Variants in AXIN1 observed in about 807,000 individuals in gnomAD.
AXIN1 encodes the protein axin 1, also known as axin-1.
Under a neutral mutation model 76.4 loss-of-function variants are expected in AXIN1, and 30 were observed. The observed-to-expected ratio is 0.39, with a 90% CI of 0.29 to 0.53. AXIN1 has a LOEUF of 0.53. AXIN1 is among the 20% of genes least tolerant of loss of function. The probability of loss-of-function intolerance (pLI) is 0.66; values close to 1 mark genes in which losing one functional copy is unlikely to be tolerated. For missense variants in AXIN1, 1,140 were observed against 1,198.8 expected (o/e 0.95, Z 0.72); for synonymous variants, 545 against 501.4 (o/e 1.09, Z -1.16).
intron 2 of AXIN1, among the ~76,000 whole-genome samples, chr16:320,778 C>T (rs1162426213): frequency 1.2e-4 from 14 of 115,584 alleles, no homozygotes; most frequent in South Asian, 8.2e-4. Context: ...CTCGCTCTTT[C>T]GCCCAGACTG....
At position 287,920 on chromosome 16, in the gene AXIN1, G is replaced by C. The variant is rs1320559848; in HGVS notation, c.*202C>G. 1.2e-6 allele frequency: 1 copy of C among 802,088 alleles called. No individual in the cohort carries two copies. The highest frequency in any genetic ancestry group is 2.0e-6 in the Non-Finnish European group (1 of 488,968). 49.7% of individuals were successfully genotyped at this position (802,088 alleles called of 1,614,324 possible). A position where few individuals can be genotyped will look rare whatever the true frequency, so the allele number is the denominator to read the frequency against. On this transcript the variant is annotated 3_prime_UTR_variant, in exon 11 of 11. Transcript: ENST00000262320. Reference sequence around the variant, plus strand: ...ATTGCTATGAGGAGTGGTCCAGGCTGCCTCCTTGGGGGCAGGACAGAAGCT... The same window carrying C: ...ATTGCTATGAGGAGTGGTCCAGGCTCCCTCCTTGGGGGCAGGACAGAAGCT...
intron 2 of AXIN1, among the ~76,000 whole-genome samples, chr16:321,501 G>A (rs552646716): frequency 3.3e-5 from 5 of 152,346 alleles, no homozygotes; most frequent in East Asian, 1.9e-4. Flanking sequence ...AAGGCAAATC[G>A]CCTTTTTCTC....
At chr16:296,759 G>C (rs1007383914) in intron 7 of AXIN1, among the ~76,000 whole-genome samples, 9 of 152,186 alleles carry the variant, frequency 5.9e-5, no homozygotes, top group Non-Finnish European at 4.4e-5. Context: ...GGTCAGACTG[G>C]AAATGACCTC....
At position 298,227 on chromosome 16, in the gene AXIN1, G is replaced by T. The variant is rs1255080492; in HGVS notation, c.1279C>A (p.Pro427Thr). 5 of 1,539,920 alleles carry T rather than the reference G, an allele frequency of 3.2e-6. No individual in the cohort carries two copies. The highest frequency in any genetic ancestry group is 4.4e-6 in the Non-Finnish European group (5 of 1,147,136). The change falls in exon 6 of 11, where the codon CCA becomes ACA. Residue 427 changes from proline to threonine, a missense_variant. Pro to Thr is a conservative substitution (Grantham distance 38). Transcript: ENST00000262320. The stretch of plus-strand genomic sequence containing the variant: ...CACGGCCCTGGGGGCCCTGACGATG[G>T]ATCGCCGTCCTCACCTTCCTCCTCC... Reference protein sequence around the residue: ...RMEEEGEDGDPSSGPPGPCHK... With the variant: ...RMEEEGEDGDTSSGPPGPCHK...
intron 4 of AXIN1, among the ~76,000 whole-genome samples, chr16:305,955 C>T (rs1307984046): frequency 1.3e-5 from 2 of 152,214 alleles, no homozygotes; most frequent in Non-Finnish European, 2.9e-5. Context: ...TGAGCCACCA[C>T]GCCTGGCCCT....
At chr16:339,260 T>G (rs1339894627) in intron 2 of AXIN1, among the ~76,000 whole-genome samples, 1 of 148,806 alleles carries the variant, frequency 6.7e-6, no homozygotes, top group African/African-American at 2.5e-5. Context: ...TCCCAGCACT[T>G]TGGGAGGCTG....
At position 287,749 on chromosome 16, in the gene AXIN1, A is replaced by T; in HGVS notation, c.*373T>A. ...GCCTCTGCATCCGGGCCTGGGCCCC[A>T]CCCAGACCTGGGTACGTGGGCAAAT... On this transcript the variant is annotated 3_prime_UTR_variant, in exon 11 of 11. Coordinates refer to ENST00000262320, the MANE Select transcript of AXIN1 (RefSeq NM_003502.4). 1 of 417,958 alleles carries T rather than the reference A, an allele frequency of 2.4e-6. No homozygotes were observed. The highest frequency in any genetic ancestry group is 4.5e-6 in the Non-Finnish European group (1 of 223,142). 25.9% of individuals were successfully genotyped at this position (417,958 alleles called of 1,614,324 possible). A position where few individuals can be genotyped will look rare whatever the true frequency, so the allele number is the denominator to read the frequency against.
At chr16:335,855 G>C (rs1362772896) in intron 2 of AXIN1, among the ~76,000 whole-genome samples, 1 of 152,184 alleles carries the variant, frequency 6.6e-6, no homozygotes, top group Non-Finnish European at 1.5e-5. Flanking sequence ...GAAGAATATG[G>C]GAAGATTTAA....
chr16:340,030 TTTC>T (rs777740106), intron 2 of AXIN1, among the ~76,000 whole-genome samples: 263 of 151,786 alleles, frequency 1.7e-3, no homozygotes, highest in Non-Finnish European at 3.2e-3. Context: ...GCCCTTTCTT[TTTC>T]TTCTTCTTCT....
rs2141455482 is a variant in AXIN1, at chr16:287,464, C to A, written c.*658G>T. 1 of 415,894 alleles carries A rather than the reference C, an allele frequency of 2.4e-6. No individual in the cohort carries two copies. The highest frequency in any genetic ancestry group is 4.3e-6 in the Non-Finnish European group (1 of 232,424). The allele number at this position is 415,894 out of a possible 1,614,324, so 25.8% of individuals were successfully genotyped here. A position where few individuals can be genotyped will look rare whatever the true frequency, so the allele number is the denominator to read the frequency against. On this transcript the variant is annotated 3_prime_UTR_variant, in exon 11 of 11. Coordinates refer to ENST00000262320, the MANE Select transcript of AXIN1 (RefSeq NM_003502.4). ...GGCAGGTTCAAAAACAGTTTTATTT[C>A]ATTATTATCCAAGTACCTTTGAAAA...
rs940542421 is a variant in AXIN1 at position 351,554 on chromosome 16, G to A, written c.-82+815C>T. On this transcript the variant is annotated intron_variant, in intron 1 of 10. Coordinates refer to ENST00000262320, the MANE Select transcript of AXIN1 (RefSeq NM_003502.4). Reference sequence around the variant, plus strand: ...GAACCCGGGAGGCGGAGGTTGCAGTGAGCCAAGATAGCGCCACTGCACTCC... The same window carrying A: ...GAACCCGGGAGGCGGAGGTTGCAGTAAGCCAAGATAGCGCCACTGCACTCC... Among the ~76,000 whole-genome samples the A allele has an allele frequency of 4.6e-5, 7 of 151,758 alleles. No individual in the cohort carries two copies. The East Asian group carries it at 1.2e-3, about 25-fold the overall frequency.
intron 2 of AXIN1, among the ~76,000 whole-genome samples, chr16:320,741 A>T (rs190184599): frequency 0.2 from 18,014 of 91,256 alleles, 1,465 homozygotes; most frequent in South Asian, 0.33. Context: ...ATATATATAT[A>T]TATTTTTTTT....
Position 346,768 on chromosome 16 carries a change from A to G in AXIN1, c.258T>C (p.Ala86=), listed in dbSNP as rs2141706778. The G allele has an allele frequency of 1.2e-6, 2 of 1,609,284 alleles. No homozygotes were observed. Among genetic ancestry groups the G allele is most frequent in the Non-Finnish European group, 1.7e-6 (2 of 1,176,410 alleles). The part of the protein sequence containing the change: ...ASPTPPYLKW[A]ESLHSLLDDQ... Reference sequence around the variant, plus strand: ...CATCCAGCAGGGAATGCAGTGACTCAGCCCACTTCAAGTATGGTGGGGTGG... The same window carrying G: ...CATCCAGCAGGGAATGCAGTGACTCGGCCCACTTCAAGTATGGTGGGGTGG... Residue 86 remains alanine, a synonymous_variant, in exon 2 of 11, where the codon GCT becomes GCC. Transcript: ENST00000262320.
intron 2 of AXIN1, among the ~76,000 whole-genome samples, chr16:316,094 C>T (rs1015524570): frequency 4.6e-5 from 7 of 151,764 alleles, no homozygotes; most frequent in Non-Finnish European, 8.8e-5. Context: ...CCAATCTTTT[C>T]CTTTATTTAT....
At chr16:345,814 G>A (rs1298763412) in intron 2 of AXIN1, among the ~76,000 whole-genome samples, 4 of 152,136 alleles carry the variant, frequency 2.6e-5, no homozygotes, top group Non-Finnish European at 5.9e-5. Flanking sequence ...TGTCTACTGG[G>A]TAGATCCAGC....
chr16:302,293 G>A (rs951887040), intron 5 of AXIN1, among the ~76,000 whole-genome samples: 2 of 152,274 alleles, frequency 1.3e-5, no homozygotes, highest in Non-Finnish European at 2.9e-5. Flanking sequence ...GGCACCTGCA[G>A]AGCCCTGGAG....
At chr16:350,772 G>T (rs1004176145) in intron 1 of AXIN1, among the ~76,000 whole-genome samples, 1 of 152,202 alleles carries the variant, frequency 6.6e-6, no homozygotes, top group South Asian at 2.1e-4. Flanking sequence ...AACACCAGCT[G>T]AAAATCAAAC....
chr16:297,343 C>T (rs543759392), intron 6 of AXIN1, 117 bp from the exon 7 acceptor site: 58 of 1,365,000 alleles, frequency 4.2e-5, no homozygotes, highest in African/African-American at 2.9e-4. Flanking sequence ...AGCCGCCGCC[C>T]GCTGTCCCCT....
At chr16:289,942 C>A (rs1752748199) in intron 9 of AXIN1, 1 of 457,124 alleles carries the variant, frequency 2.2e-6, no homozygotes, top group South Asian at 2.2e-5. Flanking sequence ...CTCAGGAAGA[C>A]CTACGGCCCC....
Sources: gnomAD v4.1 joint callset for allele counts (sites outside exome capture counted in the v4.1 genomes callset) on GRCh38, gnomAD v4.1.1 for gene constraint, MANE v1.5 for transcripts, NCBI Gene and HGNC (gene_info 2026-07-23, HGNC 2026-07-21) for gene names.